Variants in SCGN observed in about 807,000 individuals in gnomAD.
SCGN encodes the protein secretagogin, EF-hand calcium binding protein, also known as secretagogin.
In SCGN, 30 loss-of-function variants were observed where a neutral mutation model predicts 39.7. The ratio of observed to expected loss-of-function variants is 0.76; its 90% CI spans 0.57 to 1.03. The LOEUF (loss-of-function observed/expected upper bound fraction) is 1.03. Among genes scored for constraint, SCGN ranks in the 50% least tolerant of loss-of-function variants. SCGN has a pLI of 0.00. For missense variants in SCGN, 353 were observed against 349.4 expected (o/e 1.01, Z -0.08); for synonymous variants, 106 against 114.1 (o/e 0.93, Z 0.45).
chr6:25,664,847 G>A (rs1760399294), intron 3 of SCGN, 96 bp from the exon 4 acceptor site: 4 of 831,868 alleles, frequency 4.8e-6, no homozygotes, highest in Admixed American at 4.1e-5. Context: ...GAGCCCTTCT[G>A]CCCTGGAATA....
intron 10 of SCGN, among the ~76,000 whole-genome samples, chr6:25,700,963 A>G (rs1759904252): frequency 6.6e-6 from 1 of 152,194 alleles, no homozygotes; most frequent in African/African-American, 2.4e-5. Flanking sequence ...TAAGAACTGC[A>G]GGGAAGTGAT....
intron 7 of SCGN, among the ~76,000 whole-genome samples, chr6:25,685,683 G>A (rs1203393500): frequency 1.3e-5 from 2 of 151,598 alleles, no homozygotes; most frequent in Admixed American, 6.6e-5. Context: ...CAGAAAAGAG[G>A]CAGACATATT....
intron 2 of SCGN, among the ~76,000 whole-genome samples, chr6:25,660,781 C>T (rs1760321667): frequency 6.6e-6 from 1 of 152,218 alleles, no homozygotes; most frequent in Non-Finnish European, 1.5e-5. Context: ...GCCCTTCTAA[C>T]TTACAGCTGG....
intron 8 of SCGN, 25 bp from the exon 9 acceptor site, chr6:25,689,445 ACTG>A: frequency 6.3e-7 from 1 of 1,599,370 alleles, no homozygotes; most frequent in Non-Finnish European, 8.6e-7. Flanking sequence ...ACATTGCTGG[ACTG>A]ACATAATGTT....
chr6:25,693,398 G>A (rs538280950), intron 10 of SCGN, among the ~76,000 whole-genome samples: 1 of 140,204 alleles, frequency 7.1e-6, no homozygotes, highest in South Asian at 2.3e-4. Context: ...CTTGCAGTGA[G>A]CTGAGATTGG....
Position 25,685,019 on chromosome 6 carries a change from A to G in SCGN, c.527+3013A>G, listed in dbSNP as rs9358867. ...ATATGGAAGAGGGAGGCAGAAGGTCAGAGTCACGGAGAGATTTGAAAATGC... is the reference window on the plus strand; with the variant it reads ...ATATGGAAGAGGGAGGCAGAAGGTCGGAGTCACGGAGAGATTTGAAAATGC... On this transcript the variant is annotated intron_variant, in intron 7 of 10. Coordinates refer to ENST00000377961, the MANE Select transcript of SCGN (RefSeq NM_006998.4). Among the ~76,000 whole-genome samples the G allele has an allele frequency of 0.047, 7,104 of 152,262 alleles. 842 individuals are homozygous for G. In the East Asian group the frequency reaches 0.48, roughly 10 times the overall value.
chr6:25,683,577 T>G (rs1426834957), intron 7 of SCGN, among the ~76,000 whole-genome samples: 4 of 152,076 alleles, frequency 2.6e-5, no homozygotes, highest in African/African-American at 7.3e-5. Context: ...CTGTAACATA[T>G]AAAGGAGAAA....
chr6:25,686,623 A>G (rs1006869437), intron 7 of SCGN, among the ~76,000 whole-genome samples: 30 of 152,184 alleles, frequency 2.0e-4, no homozygotes, highest in African/African-American at 5.1e-4. Flanking sequence ...ATAATCAGCA[A>G]AAACTTTTTT....
intron 7 of SCGN, among the ~76,000 whole-genome samples, chr6:25,682,571 G>A (rs1035564139): frequency 3.3e-5 from 5 of 152,170 alleles, no homozygotes; most frequent in African/African-American, 1.2e-4. Context: ...TGTCAAGTCT[G>A]GCTGATCCCA....
chr6:25,677,264 G>T (rs940464556), intron 6 of SCGN, among the ~76,000 whole-genome samples: 5 of 151,882 alleles, frequency 3.3e-5, no homozygotes, highest in African/African-American at 1.2e-4. Context: ...TTTTCTCAGG[G>T]TTAAAGAGAT....
chr6:25,662,804 A>G (rs114288584), intron 3 of SCGN, among the ~76,000 whole-genome samples: 52 of 152,358 alleles, frequency 3.4e-4, no homozygotes, highest in Non-Finnish European at 7.2e-4. Flanking sequence ...GTATCAATGT[A>G]TGTATCAACA....
At position 25,661,579 on chromosome 6, in the gene SCGN, A is replaced by G. The variant is rs748276133; in HGVS notation, c.181A>G (p.Lys61Glu). The part of the protein sequence containing the change: ...DDTVMKANLH[K>E]VKQQFMTTQD... ...CACGGTCATGAAAGCAAATTTGCAC[A>G]AGGTGAAACAGCAGTTTATGACTAC... The change falls in exon 3 of 11, where the codon AAG becomes GAG. Residue 61 changes from lysine to glutamate, a missense_variant. Physicochemically the swap from Lys to Glu is moderately conservative, Grantham distance 56 (BLOSUM62 1). Coordinates refer to ENST00000377961, the MANE Select transcript of SCGN (RefSeq NM_006998.4). 1.9e-6 allele frequency: 3 copies of G among 1,613,694 alleles called. No homozygotes were observed. Among genetic ancestry groups the G allele is most frequent in the Non-Finnish European group, 2.5e-6 (3 of 1,179,706 alleles).
chr6:25,659,505 GTGTCTCAGAT>G (rs1295653505), intron 2 of SCGN, among the ~76,000 whole-genome samples: 5 of 152,308 alleles, frequency 3.3e-5, no homozygotes, highest in African/African-American at 1.2e-4. Flanking sequence ...TGAAAGGGTA[GTGTCTCAGAT>G]TCTTAGAAAG....
chr6:25,670,043 T>C lies in SCGN; in HGVS notation c.438T>C (p.Ser146=), dbSNP rs773326786. ...TTCTTCACCACAAAAAGGCCATTTC[T>C]GAGGCTAAACTGGAAGAATACACTG... ...DLFLHHKKAI[S]EAKLEEYTGT... Residue 146 remains serine (S), a synonymous_variant, in exon 6 of 11, where the codon TCT becomes TCC. Transcript: ENST00000377961. 1 of 1,613,718 alleles carries C rather than the reference T, an allele frequency of 6.2e-7. No homozygotes were observed. Among genetic ancestry groups the C allele is most frequent in the African/African-American group, 1.3e-5 (1 of 74,876 alleles).
chr6:25,660,089 G>C (rs1009349542), intron 2 of SCGN, among the ~76,000 whole-genome samples: 1 of 152,346 alleles, frequency 6.6e-6, no homozygotes, highest in African/African-American at 2.4e-5. Context: ...AGGGGCTAAA[G>C]GTTATAGTAC....
intron 4 of SCGN, among the ~76,000 whole-genome samples, chr6:25,667,690 C>A (rs1760445065): frequency 6.6e-6 from 1 of 152,142 alleles, no homozygotes. Context: ...CCTTCTTCTT[C>A]CTAGAGTATA....
intron 6 of SCGN, among the ~76,000 whole-genome samples, chr6:25,681,270 A>G (rs1416956554): frequency 6.6e-6 from 1 of 152,240 alleles, no homozygotes; most frequent in African/African-American, 2.4e-5. Flanking sequence ...TCACGGAAAC[A>G]TGAGGTTTCT....
chr6:25,684,245 T>C (rs756716625), intron 7 of SCGN, among the ~76,000 whole-genome samples: 12 of 151,938 alleles, frequency 7.9e-5, no homozygotes, highest in Admixed American at 3.9e-4. Flanking sequence ...CAATGAGTAG[T>C]TGTGAATTGA....
chr6:25,665,947 T>C (rs149329813), intron 4 of SCGN, among the ~76,000 whole-genome samples: 2,363 of 152,274 alleles, frequency 0.016, 43 homozygotes, highest in African/African-American at 0.044. Flanking sequence ...GCATACATTG[T>C]AGAATAATTT....
Sources: allele counts gnomAD v4.1 joint callset (sites outside exome capture counted in the v4.1 genomes callset), GRCh38; gene constraint gnomAD v4.1.1; transcripts MANE v1.5; gene names NCBI Gene and HGNC (gene_info 2026-07-23, HGNC 2026-07-21).